Variants in UBE2E1 observed in about 807,000 individuals in gnomAD.
UBE2E1 encodes the protein ubiquitin conjugating enzyme E2 E1.
Under a neutral mutation model 21.4 loss-of-function variants are expected in UBE2E1, and 6 were observed. That is an observed-to-expected ratio of 0.28 (90% CI 0.15 to 0.55). UBE2E1 has a LOEUF of 0.55. Among genes scored for constraint, UBE2E1 ranks in the 20% least tolerant of loss-of-function variants. UBE2E1 has a pLI of 0.93. For synonymous variants in UBE2E1, 87 were observed against 82.7 expected, an observed-to-expected ratio of 1.05 and a Z score of -0.28; for missense variants, 142 against 236.5, an observed-to-expected ratio of 0.60 and a Z score of 2.62.
chr3:23,806,874 C>T lies in UBE2E1; in HGVS notation c.-33-363C>T, dbSNP rs1025042090. ...AAGCGGACAAAAACAGCCCCGAGGC[C>T]GGCCGGCCGCCGGGACCTTCCCTCC... On this transcript the variant is annotated intron_variant, in intron 1 of 5. Coordinates refer to ENST00000306627, the MANE Select transcript of UBE2E1 (RefSeq NM_003341.5). This position sits in a 1 kb window ranked among gnomAD's most constrained non-coding sequence, Gnocchi z 6.5. 2 of 161,720 alleles carry T rather than the reference C, an allele frequency of 1.2e-5. No individual in the cohort carries two copies. Among genetic ancestry groups the T allele is most frequent in the East Asian group, 1.8e-4 (1 of 5,600 alleles). The allele number at this position is 161,720 out of a possible 1,614,324, so 10.0% of individuals were successfully genotyped here.
At chr3:23,880,049 C>A (rs189709590) in intron 3 of UBE2E1, among the ~76,000 whole-genome samples, 1 of 152,276 alleles carries the variant, frequency 6.6e-6, no homozygotes, top group East Asian at 1.9e-4. Flanking sequence ...GAATTTGAGA[C>A]CAGCCTATGC....
At chr3:23,821,085 G>A (rs1376598203) in intron 3 of UBE2E1, among the ~76,000 whole-genome samples, 1 of 152,244 alleles carries the variant, frequency 6.6e-6, no homozygotes, top group African/African-American at 2.4e-5. Flanking sequence ...TGTCTGCTGT[G>A]TGCTAGGCAT....
intron 3 of UBE2E1, among the ~76,000 whole-genome samples, chr3:23,839,279 C>T (rs1051236965): frequency 4.6e-5 from 7 of 151,800 alleles, no homozygotes; most frequent in East Asian, 3.9e-4. Context: ...CTGGCTAACA[C>T]GGTGAAACCC....
chr3:23,872,095 G>GT (rs1219645301), intron 3 of UBE2E1, among the ~76,000 whole-genome samples: 1 of 152,192 alleles, frequency 6.6e-6, no homozygotes, highest in Non-Finnish European at 1.5e-5. Context: ...TGAGCACTGA[G>GT]TGAACCAGAC....
chr3:23,837,274 T>C (rs1699991964), intron 3 of UBE2E1, among the ~76,000 whole-genome samples: 1 of 152,198 alleles, frequency 6.6e-6, no homozygotes, highest in African/African-American at 2.4e-5. Flanking sequence ...GTAACTTGCC[T>C]GTGATCATAA....
chr3:23,810,730 C>A lies in UBE2E1; in HGVS notation c.153-730C>A, dbSNP rs946077241. 2.5e-6 allele frequency: 1 copy of A among 402,360 alleles called. No homozygotes were observed. The highest frequency in any genetic ancestry group is 2.1e-5 in the African/African-American group (1 of 46,982). The allele number at this position is 402,360 out of a possible 1,614,324, so 24.9% of individuals were successfully genotyped here. ...GAGAGCTGGGGCGGCGCGGAGCAGC[C>A]CCCGTGCGGGCACCCTGTTCCCCTC... On this transcript the variant is annotated intron_variant, in intron 2 of 5. Transcript: ENST00000306627. This position sits in a 1 kb window ranked among gnomAD's most constrained non-coding sequence, Gnocchi z 5.8.
At chr3:23,873,820 C>T (rs2125322072) in intron 3 of UBE2E1, among the ~76,000 whole-genome samples, 1 of 152,294 alleles carries the variant, frequency 6.6e-6, no homozygotes, top group African/African-American at 2.4e-5. Context: ...CTGATTCCTT[C>T]ATAAATAGGG....
rs1380021183 is a variant in UBE2E1 at position 23,816,488 on chromosome 3, C to T, written c.203+4978C>T. 2.6e-5 allele frequency among the ~76,000 whole-genome samples: 4 copies of T among 152,112 alleles called. No individual in the cohort carries two copies. In the South Asian group the frequency reaches 8.3e-4, roughly 32 times the overall value. ...TTGGGAGGCTGAGGCAGGCGGATCA[C>T]GAGGTCAGGAGATCGACACCATCGT... On this transcript the variant is annotated intron_variant, in intron 3 of 5. Coordinates refer to ENST00000306627, the MANE Select transcript of UBE2E1 (RefSeq NM_003341.5). This position sits in a 1 kb window ranked among gnomAD's most constrained non-coding sequence, Gnocchi z 4.8.
At chr3:23,818,453 C>G (rs1699573763) in intron 3 of UBE2E1, among the ~76,000 whole-genome samples, 1 of 152,150 alleles carries the variant, frequency 6.6e-6, no homozygotes. Context: ...GATTCTGACC[C>G]TACATGTTCT....
At position 23,832,144 on chromosome 3, in the gene UBE2E1, A is replaced by G. The variant is rs116544865; in HGVS notation, c.203+20634A>G. On this transcript the variant is annotated intron_variant, in intron 3 of 5. Coordinates refer to ENST00000306627, the MANE Select transcript of UBE2E1 (RefSeq NM_003341.5). ...CTAGCACAGGGTTTAGAAAACAGTAACTGCTCAAACTTTTGCTGTGAATGA... is the reference window on the plus strand; with the variant it reads ...CTAGCACAGGGTTTAGAAAACAGTAGCTGCTCAAACTTTTGCTGTGAATGA... Among the ~76,000 whole-genome samples, 1,141 of 152,380 alleles carry G rather than the reference A, an allele frequency of 7.5e-3. 14 individuals carry two copies. Among genetic ancestry groups the G allele is most frequent in the African/African-American group, 0.025 (1,059 of 41,590 alleles).
At position 23,842,250 on chromosome 3, in the gene UBE2E1, G is replaced by GTGTGTGTGTGT. The variant is rs1553637746; in HGVS notation, c.203+30743_203+30744insGTGTGTGTTGT. On this transcript the variant is annotated intron_variant, in intron 3 of 5. Coordinates refer to ENST00000306627, the MANE Select transcript of UBE2E1 (RefSeq NM_003341.5). This position sits in a 1 kb window ranked among gnomAD's most constrained non-coding sequence, Gnocchi z 4.6. Reference sequence around the variant, plus strand: ...GTGTGTGTGTGTGTGTGTGTGTGTGGTGTTGTTGTTGTTGGCGACAGGGTC... The same window carrying GTGTGTGTGTGT: ...GTGTGTGTGTGTGTGTGTGTGTGTGGTGTGTGTGTGTTGTTGTTGTTGTTGGCGACAGGGTC... 4.6e-5 allele frequency among the ~76,000 whole-genome samples: 4 copies of GTGTGTGTGTGT among 86,290 alleles called. No individual in the cohort carries two copies. Among genetic ancestry groups the GTGTGTGTGTGT allele is most frequent in the Non-Finnish European group, 4.6e-5 (2 of 43,230 alleles). The allele number at this position is 86,290 out of a possible 152,430, so 56.6% of individuals were successfully genotyped here.
chr3:23,845,118 C>T (rs1163603997), intron 3 of UBE2E1, among the ~76,000 whole-genome samples: 1 of 152,070 alleles, frequency 6.6e-6, no homozygotes, highest in African/African-American at 2.4e-5. Flanking sequence ...TAAAACTATA[C>T]AATGAAGAAA....
At chr3:23,834,755 T>TA (rs1462979880) in intron 3 of UBE2E1, among the ~76,000 whole-genome samples, 2 of 152,140 alleles carry the variant, frequency 1.3e-5, no homozygotes, top group African/African-American at 2.4e-5. Flanking sequence ...AAAAAAAACT[T>TA]ACACTGCTCT....
intron 3 of UBE2E1, among the ~76,000 whole-genome samples, chr3:23,873,588 A>G (rs963712219): frequency 2.6e-5 from 4 of 152,212 alleles, no homozygotes; most frequent in African/African-American, 9.6e-5. Context: ...TCTACTAAAA[A>G]TACAAAAATT....
chr3:23,825,015 C>T (rs992682062), intron 3 of UBE2E1, among the ~76,000 whole-genome samples: 8 of 152,144 alleles, frequency 5.3e-5, no homozygotes, highest in East Asian at 1.9e-4. Context: ...CAAGTATATA[C>T]GAAACCTTGT....
chr3:23,844,068 T>A (rs754177339), intron 3 of UBE2E1, among the ~76,000 whole-genome samples: 1 of 152,156 alleles, frequency 6.6e-6, no homozygotes, highest in Non-Finnish European at 1.5e-5. Flanking sequence ...TGGGAGTATG[T>A]AAAAATAATT....
At chr3:23,847,132 A>T (rs1700225152) in intron 3 of UBE2E1, among the ~76,000 whole-genome samples, 2 of 152,310 alleles carry the variant, frequency 1.3e-5, no homozygotes, top group South Asian at 2.1e-4. Flanking sequence ...TTGGTTCATC[A>T]GTAGGGCGAT....
chr3:23,867,659 C>T (rs894014185), intron 3 of UBE2E1, among the ~76,000 whole-genome samples: 8 of 152,168 alleles, frequency 5.3e-5, no homozygotes, highest in Non-Finnish European at 1.2e-4. Context: ...TGTTGGAGTA[C>T]ACTTGAGCCC....
At position 23,853,173 on chromosome 3, in the gene UBE2E1, G is replaced by C. The variant is rs56027649; in HGVS notation, c.204-34394G>C. ...CTCCCAGAGTGCTGGGATTACAGGC[G>C]TGAGCCACCGCGCCCAGCTGCCTTA... On this transcript the variant is annotated intron_variant, in intron 3 of 5. Transcript: ENST00000306627. This position sits in a 1 kb window ranked among gnomAD's most constrained non-coding sequence, Gnocchi z 4.1. 0.014 allele frequency among the ~76,000 whole-genome samples: 2,117 copies of C among 152,268 alleles called. 56 individuals are homozygous for C. Among genetic ancestry groups the C allele is most frequent in the African/African-American group, 0.049 (2,022 of 41,554 alleles).
Sources: gnomAD v4.1 joint callset for allele counts (sites outside exome capture counted in the v4.1 genomes callset) on GRCh38, gnomAD v4.1.1 for gene constraint, Gnocchi (gnomAD v3.1) non-coding constraint, MANE v1.5 for transcripts, NCBI Gene and HGNC (gene_info 2026-07-23, HGNC 2026-07-21) for gene names.